The following ANKRD13C variants were observed in gnomAD, a reference collection of about 807,000 sequenced individuals.
ANKRD13C encodes ankyrin repeat domain 13C, also known as ankyrin repeat domain-containing protein 13C.
A neutral mutation model predicts 65.5 loss-of-function variants in ANKRD13C; 16 were observed. The ratio of observed to expected loss-of-function variants is 0.24; its 90% CI spans 0.17 to 0.37. The LOEUF is 0.37. Ranked by LOEUF, ANKRD13C falls within the 10% of genes least tolerant of loss-of-function variation. The probability of loss-of-function intolerance (pLI) is 1.00; values close to 1 mark genes in which losing one functional copy is unlikely to be tolerated. For missense variants in ANKRD13C, 503 were observed against 655.9 expected (o/e 0.77, Z 2.55); for synonymous variants, 235 against 238.7 (o/e 0.98, Z 0.14).
intron 1 of ANKRD13C, among the ~76,000 whole-genome samples, chr1:70,339,240 G>A (rs1682195662): frequency 2.0e-5 from 3 of 147,056 alleles, no homozygotes; most frequent in Non-Finnish European, 3.0e-5. Flanking sequence ...CAAACTTGTC[G>A]ACAATTTGGT....
At chr1:70,334,534 G>A (rs1167306057) in intron 2 of ANKRD13C, among the ~76,000 whole-genome samples, 1 of 152,014 alleles carries the variant, frequency 6.6e-6, no homozygotes, top group Non-Finnish European at 1.5e-5. Flanking sequence ...GGCTGAGACA[G>A]GAGGATCACT....
chr1:70,303,722 T>C (rs1680472650), intron 6 of ANKRD13C, among the ~76,000 whole-genome samples: 1 of 152,224 alleles, frequency 6.6e-6, no homozygotes, highest in South Asian at 2.1e-4. Context: ...TTTTAAAATT[T>C]AGCTTTATTA....
Position 70,288,609 on chromosome 1 carries a change from C to T in ANKRD13C, c.1215+3779G>A, listed in dbSNP as rs373397360. ...TTAGATAAATCACCAGGGAATTATG[C>T]TAAGTGAAAAAAGAAAAGCCAATTT... On this transcript the variant is annotated intron_variant, in intron 9 of 12. Coordinates refer to ENST00000370944, the MANE Select transcript of ANKRD13C (RefSeq NM_030816.5). Among the ~76,000 whole-genome samples, 26 of 152,106 alleles carry T rather than the reference C, an allele frequency of 1.7e-4. No individual in the cohort carries two copies. The East Asian group carries it at 4.4e-3, about 26-fold the overall frequency.
chr1:70,334,741 A>G (rs1275808680), intron 2 of ANKRD13C, among the ~76,000 whole-genome samples: 1 of 152,160 alleles, frequency 6.6e-6, no homozygotes, highest in African/African-American at 2.4e-5. Flanking sequence ...CCTGACCAAC[A>G]TGGAAAAATC....
At chr1:70,328,779 A>G (rs1681657728) in intron 2 of ANKRD13C, among the ~76,000 whole-genome samples, 1 of 152,202 alleles carries the variant, frequency 6.6e-6, no homozygotes, top group Non-Finnish European at 1.5e-5. Context: ...AATATCCAGC[A>G]GGTTTTAACA....
At chr1:70,347,769 A>C (rs1322381620) in intron 1 of ANKRD13C, among the ~76,000 whole-genome samples, 1 of 152,180 alleles carries the variant, frequency 6.6e-6, no homozygotes, top group Admixed American at 6.6e-5. Context: ...GATGACATTC[A>C]TCTAATAATG....
intron 2 of ANKRD13C, among the ~76,000 whole-genome samples, chr1:70,332,050 G>A (rs1285067805): frequency 6.6e-6 from 1 of 152,148 alleles, no homozygotes; most frequent in Non-Finnish European, 1.5e-5. Flanking sequence ...GGATCAGTAT[G>A]TAATTGGTTG....
intron 5 of ANKRD13C, among the ~76,000 whole-genome samples, chr1:70,311,535 A>G (rs371795995): frequency 1.3e-5 from 2 of 151,914 alleles, no homozygotes; most frequent in African/African-American, 2.4e-5. Context: ...TCCATGGGAG[A>G]AAAAAAACCT....
At chr1:70,334,821 G>T (rs113851066) in intron 2 of ANKRD13C, among the ~76,000 whole-genome samples, 1 of 151,700 alleles carries the variant, frequency 6.6e-6, no homozygotes, top group Non-Finnish European at 1.5e-5. Context: ...CAGGAGAGTC[G>T]CTTGAACCTG....
rs10526340 is a variant in ANKRD13C, at chr1:70,331,820, C to CAAA, written c.472+4235_472+4237dup. Among the ~76,000 whole-genome samples, 322 of 69,416 alleles carry CAAA rather than the reference C, an allele frequency of 4.6e-3. 3 individuals are homozygous for CAAA. Among genetic ancestry groups the CAAA allele is most frequent in the Non-Finnish European group, 5.5e-3 (216 of 39,402 alleles). The allele number at this position is 69,416 out of a possible 152,430, so 45.5% of individuals were successfully genotyped here. A position where few individuals can be genotyped will look rare whatever the true frequency, so the allele number is the denominator to read the frequency against. The stretch of plus-strand genomic sequence containing the variant: ...CTAGGCAACAGAGCAAGACTCGACT[C>CAAA]AAAAAAAAAAAAAAAAAAAAAAAGG... On this transcript the variant is annotated intron_variant, in intron 2 of 12. Transcript: ENST00000370944.
intron 3 of ANKRD13C, among the ~76,000 whole-genome samples, chr1:70,317,910 A>G (rs182800559): frequency 4.5e-4 from 68 of 152,320 alleles, no homozygotes; most frequent in Non-Finnish European, 8.2e-4. Context: ...GATTTTATTA[A>G]CTAAATATAA....
intron 12 of ANKRD13C, among the ~76,000 whole-genome samples, chr1:70,264,475 C>CAAAAAAA (rs57312096): frequency 2.0e-5 from 1 of 48,928 alleles, no homozygotes; most frequent in Non-Finnish European, 4.1e-5. Flanking sequence ...GACTCTATCT[C>CAAAAAAA]AAAAAAAAAA....
intron 1 of ANKRD13C, among the ~76,000 whole-genome samples, chr1:70,341,344 A>G (rs1219516908): frequency 6.7e-6 from 1 of 149,356 alleles, no homozygotes; most frequent in Non-Finnish European, 1.5e-5. Context: ...CAGGGTCCAA[A>G]TCTACCATCT....
At chr1:70,313,628 C>T (rs1031193099) in intron 5 of ANKRD13C, 117 bp downstream of exon 5, 4 of 682,712 alleles carry the variant, frequency 5.9e-6, no homozygotes, top group Non-Finnish European at 7.4e-6. Context: ...ATGAAAAATA[C>T]TTTTCCTCAC....
chr1:70,319,121 GAA>G (rs1245271817), intron 3 of ANKRD13C, among the ~76,000 whole-genome samples: 2 of 152,096 alleles, frequency 1.3e-5, no homozygotes, highest in Non-Finnish European at 2.9e-5. Flanking sequence ...GTATTAATTA[GAA>G]AGTCTTTTCA....
intron 1 of ANKRD13C, 149 bp downstream of exon 1, chr1:70,353,830 A>G (rs1682862749): frequency 1.8e-6 from 2 of 1,087,698 alleles, no homozygotes; most frequent in Admixed American, 6.6e-5. Flanking sequence ...CTGGCACGCT[A>G]TTACTGAGTC....
chr1:70,300,711 C>T lies in ANKRD13C; in HGVS notation c.921+53G>A, dbSNP rs899069038. The stretch of plus-strand genomic sequence containing the variant: ...ATTATACTGAGGTTTTGCTAAAAAC[C>T]TATACTTTTTTTTTAATGATTTAAA... On this transcript the variant is annotated intron_variant, in intron 7 of 12. Transcript: ENST00000370944. The T allele has an allele frequency of 7.5e-6, 11 of 1,467,252 alleles. No individual in the cohort carries two copies. In the African/African-American group the frequency reaches 1.3e-4, roughly 18 times the overall value. 90.9% of individuals were successfully genotyped at this position (1,467,252 alleles called of 1,614,324 possible).
chr1:70,324,600 A>C (rs1010257067), intron 3 of ANKRD13C, among the ~76,000 whole-genome samples: 32 of 152,224 alleles, frequency 2.1e-4, no homozygotes, highest in African/African-American at 7.7e-4. Flanking sequence ...TGAATAAAAA[A>C]AGAATCAGAG....
At chr1:70,291,133 C>T (rs779075250) in intron 9 of ANKRD13C, among the ~76,000 whole-genome samples, 34 of 151,924 alleles carry the variant, frequency 2.2e-4, no homozygotes, top group Admixed American at 4.6e-4. Context: ...CAGTCTCAAG[C>T]GATTCTCCTG....
Sources: allele counts gnomAD v4.1 joint callset (sites outside exome capture counted in the v4.1 genomes callset), GRCh38; gene constraint gnomAD v4.1.1; transcripts MANE v1.5; gene names NCBI Gene and HGNC (gene_info 2026-07-23, HGNC 2026-07-21).